The following ATP11A variants were observed in gnomAD, a reference collection of about 807,000 sequenced individuals.
ATP11A encodes the protein ATPase phospholipid transporting 11A.
A neutral mutation model predicts 154.4 loss-of-function variants in ATP11A; 81 were observed. That is an observed-to-expected ratio of 0.52 (90% CI 0.44 to 0.63). The LOEUF is 0.63. Among genes scored for constraint, ATP11A ranks in the 30% least tolerant of loss-of-function variants. ATP11A has a pLI of 0.00. For synonymous variants in ATP11A, 623 were observed against 585.9 expected, an observed-to-expected ratio of 1.06 and a Z score of -0.91; for missense variants, 1,316 against 1,474.3, an observed-to-expected ratio of 0.89 and a Z score of 1.76.
intron 3 of ATP11A, 51 bp from the exon 4 acceptor site, chr13:112,806,161 AG>A: frequency 7.0e-7 from 1 of 1,425,788 alleles, no homozygotes. Context: ...ACCTGCCTGA[AG>A]TCACTCATTT....
At chr13:112,792,316 C>G (rs1196178079) in intron 2 of ATP11A, among the ~76,000 whole-genome samples, 1 of 151,780 alleles carries the variant, frequency 6.6e-6, no homozygotes, top group Non-Finnish European at 1.5e-5. Flanking sequence ...TTTAACAGCT[C>G]AGGATGTGTG....
At position 112,697,326 on chromosome 13, in the gene ATP11A, C is replaced by T. The variant is rs187392281; in HGVS notation, c.39+6871C>T. Among the ~76,000 whole-genome samples, 25 of 152,262 alleles carry T rather than the reference C, an allele frequency of 1.6e-4. No individual in the cohort carries two copies. The highest frequency in any genetic ancestry group is 5.5e-4 in the African/African-American group (23 of 41,550). On this transcript the variant is annotated intron_variant, in intron 1 of 29. Coordinates refer to ENST00000375645, the MANE Select transcript of ATP11A (RefSeq NM_015205.3). This position sits in a 1 kb window ranked among gnomAD's most constrained non-coding sequence, Gnocchi z 4.0. ...CACGCCACCCAGCCGTGTTCATTTC[C>T]GTGTTCCAGTGTCACCCGTGTGCCT...
chr13:112,850,188 A>C (rs1464840418), intron 17 of ATP11A, among the ~76,000 whole-genome samples: 2 of 152,204 alleles, frequency 1.3e-5, no homozygotes, highest in African/African-American at 2.4e-5. Flanking sequence ...CATTGTTTCA[A>C]CTCTTACAAA....
intron 12 of ATP11A, among the ~76,000 whole-genome samples, chr13:112,827,767 A>G (rs2078970316): frequency 6.6e-6 from 1 of 152,220 alleles, no homozygotes; most frequent in African/African-American, 2.4e-5. Context: ...CTGTAAATAG[A>G]CTTAGACTCT....
At chr13:112,845,541 G>GCCAGGCA (rs1398723123) in intron 17 of ATP11A, among the ~76,000 whole-genome samples, 9 of 118,994 alleles carry the variant, frequency 7.6e-5, no homozygotes, top group African/African-American at 3.5e-4. Flanking sequence ...CAGTCCAGTT[G>GCCAGGCA]CTGGCACTAG....
At chr13:112,744,094 C>A (rs378491) in intron 1 of ATP11A, among the ~76,000 whole-genome samples, 37,250 of 152,130 alleles carry the variant, frequency 0.24, 6,093 homozygotes, top group African/African-American at 0.46. Context: ...GCCTCTTTCA[C>A]GTAAGGAAGG....
intron 17 of ATP11A, among the ~76,000 whole-genome samples, chr13:112,846,613 C>T (rs551850437): frequency 1.3e-5 from 2 of 150,710 alleles, no homozygotes; most frequent in African/African-American, 4.8e-5. Flanking sequence ...GCTAACTGCA[C>T]CCCTGCTGCC....
At chr13:112,840,019 CA>C (rs1391162234) in intron 16 of ATP11A, among the ~76,000 whole-genome samples, 2 of 152,120 alleles carry the variant, frequency 1.3e-5, no homozygotes, top group Non-Finnish European at 2.9e-5. Flanking sequence ...CTATGCTAAG[CA>C]ACTGAGACTC....
intron 25 of ATP11A, among the ~76,000 whole-genome samples, chr13:112,863,041 AGTG>A (rs2080168740): frequency 2.0e-5 from 3 of 148,516 alleles, no homozygotes; most frequent in Non-Finnish European, 4.4e-5. Flanking sequence ...GCAGTAGTTC[AGTG>A]CGGCCCATGC....
intron 1 of ATP11A, among the ~76,000 whole-genome samples, chr13:112,766,358 CA>C (rs2077076407): frequency 6.6e-6 from 1 of 152,180 alleles, no homozygotes; most frequent in Non-Finnish European, 1.5e-5. Context: ...CAACCAGAAA[CA>C]AAAAGTAAGA....
chr13:112,740,524 A>C (rs1891443180), intron 1 of ATP11A, among the ~76,000 whole-genome samples: 1 of 152,174 alleles, frequency 6.6e-6, no homozygotes, highest in South Asian at 2.1e-4. Context: ...CCACAAAGCC[A>C]GGGTAGGAAC....
chr13:112,739,297 C>T (rs71446628), intron 1 of ATP11A, among the ~76,000 whole-genome samples: 11,630 of 152,184 alleles, frequency 0.076, 580 homozygotes, highest in Middle Eastern at 0.12. Context: ...CTAATCTAAC[C>T]GTGGGCAAAA....
rs1162708395 is a variant in ATP11A, at chr13:112,690,282, C to T, written c.-135C>T. The T allele has an allele frequency of 4.2e-6, 2 of 477,778 alleles. No individual in the cohort carries two copies. The highest frequency in any genetic ancestry group is 5.7e-6 in the Non-Finnish European group (2 of 352,730). 29.6% of individuals were successfully genotyped at this position (477,778 alleles called of 1,614,324 possible). A position where few individuals can be genotyped will look rare whatever the true frequency, so the allele number is the denominator to read the frequency against. On this transcript the variant is annotated 5_prime_UTR_variant, in exon 1 of 30. Transcript: ENST00000375645. The surrounding 1 kb of genome is among the most constrained non-coding windows in gnomAD (Gnocchi z 5.6). ...CATGAGCGCGGAGGGGCCGCGGCCG[C>T]CCCCTGCACCGCCCGGCGCGCCGAG...
Position 112,807,082 on chromosome 13 carries a change from A to G in ATP11A, c.333+789A>G, listed in dbSNP as rs1029980679. On this transcript the variant is annotated intron_variant, in intron 4 of 29. Transcript: ENST00000375645. The surrounding 1 kb of genome is among the most constrained non-coding windows in gnomAD (Gnocchi z 4.5). ...TTCCACTCTTTGGCTGTTCTGAATA[A>G]TGCTGCTGAGAACATTTGTGTTTCA... 1.3e-5 allele frequency among the ~76,000 whole-genome samples: 2 copies of G among 152,230 alleles called. No homozygotes were observed. Among genetic ancestry groups the G allele is most frequent in the Admixed American group, 1.3e-4 (2 of 15,286 alleles).
intron 1 of ATP11A, among the ~76,000 whole-genome samples, chr13:112,761,518 C>G (rs1193141443): frequency 6.6e-6 from 1 of 152,080 alleles, no homozygotes; most frequent in Non-Finnish European, 1.5e-5. Context: ...AACATTGTGT[C>G]CATAGGATTC....
chr13:112,853,398 C>T (rs1307827398), intron 18 of ATP11A, among the ~76,000 whole-genome samples: 1 of 152,022 alleles, frequency 6.6e-6, no homozygotes, highest in African/African-American at 2.4e-5. Flanking sequence ...CTAGGAAGTT[C>T]TTCCCAAAAC....
intron 17 of ATP11A, among the ~76,000 whole-genome samples, chr13:112,844,235 C>T (rs1456929306): frequency 6.6e-6 from 1 of 152,224 alleles, no homozygotes; most frequent in African/African-American, 2.4e-5. Context: ...ATATCTTCCA[C>T]CTGCTGGATC....
chr13:112,772,156 T>C (rs1206626282), intron 1 of ATP11A, among the ~76,000 whole-genome samples: 1 of 152,214 alleles, frequency 6.6e-6, no homozygotes, highest in Non-Finnish European at 1.5e-5. Flanking sequence ...AAGTGCCCTA[T>C]GAAATGTAAA....
intron 12 of ATP11A, 105 bp downstream of exon 12, chr13:112,826,996 A>G: frequency 2.6e-6 from 3 of 1,147,042 alleles, no homozygotes; most frequent in Non-Finnish European, 2.6e-6. Context: ...CTGTACCTGT[A>G]GCTGGCGTAA....
Sources: allele counts gnomAD v4.1 joint callset (sites outside exome capture counted in the v4.1 genomes callset), GRCh38; gene constraint gnomAD v4.1.1; non-coding constraint Gnocchi (gnomAD v3.1); transcripts MANE v1.5; gene names NCBI Gene and HGNC (gene_info 2026-07-23, HGNC 2026-07-21).